TRPM3: variants seen among roughly 807,000 people sequenced by gnomAD.
TRPM3 encodes the protein transient receptor potential cation channel subfamily M member 3.
In TRPM3, 77 loss-of-function variants were observed where a neutral mutation model predicts 181.2. That is an observed-to-expected ratio of 0.42 (90% CI 0.35 to 0.51). The LOEUF (loss-of-function observed/expected upper bound fraction) is 0.51, where lower values mean the gene tolerates loss of function less well. Ranked by LOEUF, TRPM3 falls within the 20% of genes least tolerant of loss-of-function variation. The probability of loss-of-function intolerance (pLI) is 0.01; values close to 1 mark genes in which losing one functional copy is unlikely to be tolerated. For missense variants in TRPM3, 1,759 were observed against 2,196.7 expected, an observed-to-expected ratio of 0.80 and a Z score of 3.98; for synonymous variants, 745 against 796.4, an observed-to-expected ratio of 0.94 and a Z score of 1.09.
intron 1 of TRPM3, among the ~76,000 whole-genome samples, chr9:71,085,340 G>A (rs374628357): frequency 1.3e-5 from 2 of 151,958 alleles, no homozygotes; most frequent in South Asian, 4.1e-4. Flanking sequence ...AGAGTAAACA[G>A]GCAACCTACA....
At chr9:70,548,869 T>TC (rs1564269614) in intron 25 of TRPM3, among the ~76,000 whole-genome samples, 79 of 152,000 alleles carry the variant, frequency 5.2e-4, no homozygotes, top group African/African-American at 1.8e-3. Context: ...TCTCTCTCTC[T>TC]TTTTAATACG....
At chr9:70,846,858 A>G (rs7862799) in intron 3 of TRPM3, among the ~76,000 whole-genome samples, 86,221 of 152,016 alleles carry the variant, frequency 0.57, 24,813 homozygotes, top group Non-Finnish European at 0.58. Flanking sequence ...CTTTTCCCAG[A>G]CCGAGTTCTT....
chr9:70,952,479 AC>A (rs1480636024), intron 1 of TRPM3, among the ~76,000 whole-genome samples: 1 of 152,190 alleles, frequency 6.6e-6, no homozygotes, highest in African/African-American at 2.4e-5. Context: ...AGGCATACCA[AC>A]ATACTTACTT....
intron 1 of TRPM3, among the ~76,000 whole-genome samples, chr9:71,019,843 T>G (rs908200482): frequency 4.6e-5 from 7 of 152,016 alleles, no homozygotes; most frequent in Non-Finnish European, 1.0e-4. Flanking sequence ...TCAGTGCAAA[T>G]AGAACAAGGC....
intron 6 of TRPM3, 65 bp from the exon 7 acceptor site, chr9:70,784,344 A>T (rs929187653): frequency 1.4e-6 from 2 of 1,468,044 alleles, no homozygotes; most frequent in African/African-American, 2.9e-5. Flanking sequence ...CAAACCAAAG[A>T]AACAAAAAGA....
chr9:71,198,663 GCT>G (rs1565331652), intron 1 of TRPM3, among the ~76,000 whole-genome samples: 1 of 135,872 alleles, frequency 7.4e-6, no homozygotes, highest in Admixed American at 7.6e-5. Flanking sequence ...TCATGATTTG[GCT>G]CTCTGTTTGT....
chr9:70,987,337 C>T (rs2097432073), intron 1 of TRPM3, among the ~76,000 whole-genome samples: 1 of 152,022 alleles, frequency 6.6e-6, no homozygotes, highest in African/African-American at 2.4e-5. Context: ...TTTTCAAAAA[C>T]AATTTTGATT....
chr9:70,843,575 T>C (rs2094815100), intron 4 of TRPM3, among the ~76,000 whole-genome samples: 1 of 152,230 alleles, frequency 6.6e-6, no homozygotes, highest in African/African-American at 2.4e-5. Context: ...AGACATGAGC[T>C]ATTTAGTTTG....
intron 1 of TRPM3, among the ~76,000 whole-genome samples, chr9:70,924,151 G>C (rs377119130): frequency 3.3e-5 from 5 of 152,016 alleles, no homozygotes; most frequent in Non-Finnish European, 2.9e-5. Context: ...CATTTGGCTA[G>C]AGGCCAGAGA....
At chr9:70,923,917 CATATATACACACATATATACATAT>C (rs1332510970) in intron 1 of TRPM3, among the ~76,000 whole-genome samples, 1,569 of 105,786 alleles carry the variant, frequency 0.015, 29 homozygotes, top group African/African-American at 0.041. Context: ...CACATATATA[CATATATACACACATATATACATAT>C]ATATATACAC....
intron 1 of TRPM3, among the ~76,000 whole-genome samples, chr9:71,177,426 A>T (rs1211959338): frequency 6.6e-6 from 1 of 152,056 alleles, no homozygotes; most frequent in East Asian, 1.9e-4. Context: ...AAGGTTGGGG[A>T]CCTCTGGGTT....
intron 22 of TRPM3, among the ~76,000 whole-genome samples, chr9:70,580,463 A>T (rs1299939937): frequency 6.6e-6 from 1 of 152,184 alleles, no homozygotes; most frequent in Non-Finnish European, 1.5e-5. Flanking sequence ...CCAATAAGGG[A>T]TACACACAAG....
intron 22 of TRPM3, among the ~76,000 whole-genome samples, chr9:70,558,500 A>T (rs2048287258): frequency 6.6e-6 from 1 of 152,166 alleles, no homozygotes; most frequent in Non-Finnish European, 1.5e-5. Context: ...ACCAAGGTTG[A>T]ATTATTGCCA....
intron 1 of TRPM3, among the ~76,000 whole-genome samples, chr9:70,919,511 C>T (rs981760140): frequency 2.6e-5 from 4 of 152,146 alleles, no homozygotes; most frequent in Admixed American, 6.5e-5. Context: ...TGGCCAGGCA[C>T]GGTGGTTCAC....
chr9:71,141,685 G>A (rs895027560), intron 1 of TRPM3, among the ~76,000 whole-genome samples: 4 of 152,118 alleles, frequency 2.6e-5, no homozygotes, highest in African/African-American at 7.2e-5. Flanking sequence ...TCTGAGGCTT[G>A]AATGACGGGA....
chr9:71,220,578 GA>G (rs1355382061), intron 1 of TRPM3, among the ~76,000 whole-genome samples: 6 of 150,384 alleles, frequency 4.0e-5, no homozygotes, highest in Admixed American at 6.6e-5. Flanking sequence ...GTACAACTTA[GA>G]AAAAAAAAGA....
chr9:71,324,348 C>A (rs1355994569), intron 1 of TRPM3, among the ~76,000 whole-genome samples: 2 of 151,834 alleles, frequency 1.3e-5, no homozygotes, highest in Non-Finnish European at 2.9e-5. Context: ...TTCAAGTGAC[C>A]AGTAGGTATA....
intron 1 of TRPM3, among the ~76,000 whole-genome samples, chr9:70,969,937 C>T (rs904853076): frequency 6.6e-6 from 1 of 151,772 alleles, no homozygotes; most frequent in African/African-American, 2.4e-5. Context: ...GATTTGAAAC[C>T]AGGTCTATAG....
At chr9:71,406,990 C>A (rs894011012) in intron 1 of TRPM3, among the ~76,000 whole-genome samples, 1 of 152,130 alleles carries the variant, frequency 6.6e-6, no homozygotes, top group Non-Finnish European at 1.5e-5. Context: ...TAAACATGGC[C>A]TACTTATTAA....
Sources: gnomAD v4.1 joint callset for allele counts (sites outside exome capture counted in the v4.1 genomes callset) on GRCh38, gnomAD v4.1.1 for gene constraint, MANE v1.5 for transcripts, NCBI Gene and HGNC (gene_info 2026-07-23, HGNC 2026-07-21) for gene names.